Variants in RTF1 observed in about 807,000 individuals in gnomAD.
RTF1 encodes the protein RNA polymerase-associated protein RTF1 homolog.
In RTF1, 10 loss-of-function variants were observed where a neutral mutation model predicts 95.7. The ratio of observed to expected loss-of-function variants is 0.10; its 90% confidence interval spans 0.06 to 0.18. The LOEUF is 0.18. RTF1 is among the 10% of genes least tolerant of loss of function. RTF1 has a pLI of 1.00. For synonymous variants in RTF1, 305 were observed against 311.8 expected (o/e 0.98, Z 0.23); for missense variants, 458 against 875.6 (o/e 0.52, Z 6.02).
At position 41,460,698 on chromosome 15, in the gene RTF1, A is replaced by T. The variant is rs547199059; in HGVS notation, c.662+2822A>T. Among the ~76,000 whole-genome samples the T allele has an allele frequency of 1.6e-3, 233 of 143,692 alleles. 1 individual carries two copies. The highest frequency in any genetic ancestry group is 3.5e-3 in the Middle Eastern group (1 of 282). 94.3% of individuals were successfully genotyped at this position (143,692 alleles called of 152,430 possible). On this transcript the variant is annotated intron_variant, in intron 4 of 17. Coordinates refer to ENST00000389629, the MANE Select transcript of RTF1 (RefSeq NM_015138.5). The stretch of plus-strand genomic sequence containing the variant: ...TGATTCAGTGACTTCTTAAAAAAAA[A>T]TTTTTTTTTTTTTTAGACAGAGTCT...
chr15:41,423,851 C>G (rs764381894), intron 1 of RTF1, among the ~76,000 whole-genome samples: 2 of 152,104 alleles, frequency 1.3e-5, no homozygotes, highest in Non-Finnish European at 2.9e-5. Flanking sequence ...TTCCCGGGTT[C>G]AAGCAATTAT....
At chr15:41,470,919 A>G (rs1049498768) in intron 7 of RTF1, among the ~76,000 whole-genome samples, 6 of 151,854 alleles carry the variant, frequency 4.0e-5, no homozygotes, top group African/African-American at 1.5e-4. Flanking sequence ...CGGCCTCCCA[A>G]AGTGCTGGGA....
chr15:41,421,634 G>C (rs1012170631), intron 1 of RTF1, among the ~76,000 whole-genome samples: 1 of 69,562 alleles, frequency 1.4e-5, no homozygotes, highest in Non-Finnish European at 3.0e-5. Context: ...CTGTCCCAAA[G>C]AAAAAAAAAA....
At chr15:41,421,456 T>TAA (rs754975327) in intron 1 of RTF1, among the ~76,000 whole-genome samples, 2 of 135,314 alleles carry the variant, frequency 1.5e-5, no homozygotes, top group African/African-American at 2.7e-5. Flanking sequence ...AACTCTGTAT[T>TAA]AAAAAAAAAA....
intron 7 of RTF1, among the ~76,000 whole-genome samples, chr15:41,470,841 A>G (rs962070149): frequency 2.0e-5 from 3 of 151,332 alleles, no homozygotes; most frequent in African/African-American, 7.3e-5. Flanking sequence ...TGTATTTTTA[A>G]TAGAGACAGG....
chr15:41,453,261 T>C (rs2050797112), intron 3 of RTF1, among the ~76,000 whole-genome samples: 1 of 152,208 alleles, frequency 6.6e-6, no homozygotes, highest in Non-Finnish European at 1.5e-5. Flanking sequence ...GTGAGACCCC[T>C]GAAACCTATC....
intron 2 of RTF1, among the ~76,000 whole-genome samples, chr15:41,439,146 C>G (rs551526820): frequency 5.9e-5 from 9 of 151,580 alleles, no homozygotes; most frequent in African/African-American, 2.2e-4. Context: ...ATTCTCCTGC[C>G]TCAGCCTACT....
intron 5 of RTF1, among the ~76,000 whole-genome samples, chr15:41,465,486 CA>C (rs2050876267): frequency 6.6e-6 from 1 of 152,146 alleles, no homozygotes; most frequent in Non-Finnish European, 1.5e-5. Context: ...ACTAAAAATA[CA>C]AAAATTAGCC....
rs112627098 is a variant in RTF1, at chr15:41,418,485, T to C, written c.198+1172T>C. Among the ~76,000 whole-genome samples the C allele has an allele frequency of 4.5e-3, 684 of 152,274 alleles. 3 individuals are homozygous for C. Among genetic ancestry groups the C allele is most frequent in the African/African-American group, 0.016 (662 of 41,562 alleles). On this transcript the variant is annotated intron_variant, in intron 1 of 17. Coordinates refer to ENST00000389629, the MANE Select transcript of RTF1 (RefSeq NM_015138.5). ...TTGTAAAGTTTTTCTATGAATGGCTTCTTGGGGGTCTTTTATATGAAGCCA... is the reference window on the plus strand; with the variant it reads ...TTGTAAAGTTTTTCTATGAATGGCTCCTTGGGGGTCTTTTATATGAAGCCA...
chr15:41,430,842 A>G (rs1261894584), intron 1 of RTF1, among the ~76,000 whole-genome samples: 1 of 152,172 alleles, frequency 6.6e-6, no homozygotes, highest in Non-Finnish European at 1.5e-5. Context: ...TGGGAAGTGC[A>G]TCTTGTATCT....
chr15:41,418,708 G>A (rs2050584321), intron 1 of RTF1, among the ~76,000 whole-genome samples: 1 of 151,254 alleles, frequency 6.6e-6, no homozygotes, highest in Admixed American at 6.6e-5. Flanking sequence ...TACTCGGGAG[G>A]CTGAGGCAGG....
intron 1 of RTF1, among the ~76,000 whole-genome samples, chr15:41,436,333 G>A (rs1434769880): frequency 6.6e-6 from 1 of 151,162 alleles, no homozygotes; most frequent in Admixed American, 6.6e-5. Context: ...GGCTGGCACC[G>A]GTAGTCCCAG....
intron 15 of RTF1, chr15:41,478,899 T>C: frequency 1.7e-6 from 1 of 604,988 alleles, no homozygotes; most frequent in South Asian, 2.0e-5. Context: ...GTCCCTTAGC[T>C]AGGGCCTGGC....
At chr15:41,418,456 C>T (rs939474227) in intron 1 of RTF1, among the ~76,000 whole-genome samples, 3 of 151,960 alleles carry the variant, frequency 2.0e-5, no homozygotes, top group Non-Finnish European at 2.9e-5. Flanking sequence ...CAAGCATTTG[C>T]TAATTGTAAA....
rs2050810606 is a variant in RTF1, at chr15:41,455,733, G to C, written c.458-1939G>C. 2.0e-5 allele frequency among the ~76,000 whole-genome samples: 3 copies of C among 151,008 alleles called. No individual in the cohort carries two copies. The South Asian group carries it at 6.3e-4, about 32-fold the overall frequency. On this transcript the variant is annotated intron_variant, in intron 3 of 17. Coordinates refer to ENST00000389629, the MANE Select transcript of RTF1 (RefSeq NM_015138.5). Reference sequence around the variant, plus strand: ...GCCCCAAGAATCGCTTAAAGAGGAGGTTGCAGTGAGCCGAGATCAGGCAAT... The same window carrying C: ...GCCCCAAGAATCGCTTAAAGAGGAGCTTGCAGTGAGCCGAGATCAGGCAAT...
At chr15:41,469,319 T>G (rs1649843083) in intron 6 of RTF1, among the ~76,000 whole-genome samples, 1 of 152,086 alleles carries the variant, frequency 6.6e-6, no homozygotes, top group African/African-American at 2.4e-5. Context: ...ACCTGCCATC[T>G]TAGATTAATG....
chr15:41,474,733 T>A (rs757210352), intron 9 of RTF1, 31 bp downstream of exon 9: 3 of 1,518,676 alleles, frequency 2.0e-6, no homozygotes, highest in South Asian at 2.2e-5. Context: ...AGCTTCTGCT[T>A]CCACTTCAAA....
At chr15:41,453,516 A>G (rs2050798258) in intron 3 of RTF1, among the ~76,000 whole-genome samples, 1 of 152,156 alleles carries the variant, frequency 6.6e-6, no homozygotes, top group African/African-American at 2.4e-5. Flanking sequence ...GCTTGAGCCC[A>G]GGAGTTCAGG....
chr15:41,447,011 C>T (rs1020831602), intron 2 of RTF1, among the ~76,000 whole-genome samples: 1 of 152,116 alleles, frequency 6.6e-6, no homozygotes, highest in African/African-American at 2.4e-5. Flanking sequence ...CCATGTTGGC[C>T]AGGCTGGTCT....
Sources: allele counts gnomAD v4.1 joint callset (sites outside exome capture counted in the v4.1 genomes callset), GRCh38; gene constraint gnomAD v4.1.1; transcripts MANE v1.5; gene names NCBI Gene and HGNC (gene_info 2026-07-23, HGNC 2026-07-21).